ASCC3: variants seen among roughly 807,000 people sequenced by gnomAD.
ASCC3 encodes the protein ASC-1 complex subunit P200.
Under a neutral mutation model 256.3 loss-of-function variants are expected in ASCC3, and 158 were observed. The observed-to-expected ratio is 0.62, with a 90% CI of 0.54 to 0.70. The LOEUF is 0.70. Ranked by LOEUF, ASCC3 falls within the 30% of genes least tolerant of loss-of-function variation. ASCC3 has a pLI of 0.00. For missense variants in ASCC3, 2,259 were observed against 2,626.0 expected, an observed-to-expected ratio of 0.86 and a Z score of 3.05; for synonymous variants, 948 against 883.4, an observed-to-expected ratio of 1.07 and a Z score of -1.30.
intron 30 of ASCC3, among the ~76,000 whole-genome samples, chr6:100,624,081 C>T (rs957300417): frequency 2.0e-5 from 3 of 150,912 alleles, no homozygotes; most frequent in Admixed American, 6.6e-5. Context: ...CTAACCTGCA[C>T]GTTGTACACA....
intron 13 of ASCC3, among the ~76,000 whole-genome samples, chr6:100,710,801 A>G (rs1394015543): frequency 6.6e-6 from 1 of 152,156 alleles, no homozygotes; most frequent in Non-Finnish European, 1.5e-5. Flanking sequence ...TTTTAAATAA[A>G]TATTTTAAAA....
At chr6:100,569,429 TG>T (rs1770466353) in intron 36 of ASCC3, among the ~76,000 whole-genome samples, 2 of 152,070 alleles carry the variant, frequency 1.3e-5, no homozygotes. Context: ...TCGCCCAGGC[TG>T]GAGTGCAGTG....
In ASCC3 at chr6:100,531,072, A is replaced by G. The variant is rs927302371; in HGVS notation, c.5775+9091T>C. 76 of 1,378,166 alleles carry G rather than the reference A, an allele frequency of 5.5e-5. 1 individual carries two copies. In the African/African-American group the frequency reaches 9.8e-4, roughly 18 times the overall value. The allele number at this position is 1,378,166 out of a possible 1,614,324, so 85.4% of individuals were successfully genotyped here. A position where few individuals can be genotyped will look rare whatever the true frequency, so the allele number is the denominator to read the frequency against. On this transcript the variant is annotated intron_variant, in intron 37 of 41. Coordinates refer to ENST00000369162, the MANE Select transcript of ASCC3 (RefSeq NM_006828.4). ...GTGTAGCACTAAAGGAATCTTCTAGAACGTACATAGTCTGTACAATAAATA... is the reference window on the plus strand; with the variant it reads ...GTGTAGCACTAAAGGAATCTTCTAGGACGTACATAGTCTGTACAATAAATA...
Position 100,661,934 on chromosome 6 carries a change from C to T in ASCC3, c.2575G>A (p.Asp859Asn). The T allele has an allele frequency of 6.2e-7, 1 of 1,613,376 alleles. No individual in the cohort carries two copies. The highest frequency in any genetic ancestry group is 1.7e-5 in the Admixed American group (1 of 59,922). The change falls in exon 16 of 42, where the codon GAC becomes AAC. Residue 859 changes from aspartate (D) to asparagine (N), a missense_variant. This residue lies in a region of ASCC3 where 1,839 missense variants were observed against 2,206.7 expected (regional missense o/e 0.83). Transcript: ENST00000369162. ...ATAATTATTCCTTCCCCAAATTTGT[C>T]AAATTGTGGTCGTCCAGCTCGACCA... ...IFGRAGRPQF[D>N]KFGEGIIITT...
At chr6:100,695,587 T>C (rs918865473) in intron 13 of ASCC3, among the ~76,000 whole-genome samples, 8 of 152,302 alleles carry the variant, frequency 5.3e-5, no homozygotes, top group South Asian at 2.1e-4. Context: ...TAGAGACTCC[T>C]TTCTTATCTC....
intron 4 of ASCC3, among the ~76,000 whole-genome samples, chr6:100,812,592 A>G (rs1173600343): frequency 1.3e-5 from 2 of 152,212 alleles, no homozygotes; most frequent in East Asian, 3.8e-4. Flanking sequence ...GTCAGAAGAA[A>G]TAATCAGCAA....
At chr6:100,821,685 G>A (rs1033137398) in intron 4 of ASCC3, among the ~76,000 whole-genome samples, 1 of 151,948 alleles carries the variant, frequency 6.6e-6, no homozygotes, top group Non-Finnish European at 1.5e-5. Flanking sequence ...TTAGCTGGGC[G>A]TGGTGGCACG....
intron 30 of ASCC3, among the ~76,000 whole-genome samples, chr6:100,618,828 C>T (rs1369828833): frequency 6.6e-6 from 1 of 152,162 alleles, no homozygotes; most frequent in East Asian, 1.9e-4. Flanking sequence ...CATGGTTCTG[C>T]TAGTAGCCTC....
intron 4 of ASCC3, among the ~76,000 whole-genome samples, chr6:100,813,810 T>C (rs1026967234): frequency 6.6e-6 from 1 of 151,668 alleles, no homozygotes; most frequent in Non-Finnish European, 1.5e-5. Context: ...ACTAAGAAAA[T>C]ACAAGAATTT....
At chr6:100,564,831 G>C (rs1467650618) in intron 36 of ASCC3, among the ~76,000 whole-genome samples, 1 of 152,090 alleles carries the variant, frequency 6.6e-6, no homozygotes, top group Non-Finnish European at 1.5e-5. Context: ...AACTAGGAAA[G>C]GTGGTCAAGA....
intron 17 of ASCC3, 40 bp from the exon 18 acceptor site, chr6:100,652,929 GA>G (rs773630028): frequency 5.1e-6 from 8 of 1,569,478 alleles, no homozygotes; most frequent in Non-Finnish European, 7.0e-6. Context: ...TAGTGCTTTA[GA>G]GAGTAACCAT....
At chr6:100,777,781 A>G (rs1031819421) in intron 8 of ASCC3, among the ~76,000 whole-genome samples, 2 of 152,158 alleles carry the variant, frequency 1.3e-5, no homozygotes, top group Non-Finnish European at 2.9e-5. Flanking sequence ...GAGGTCACAC[A>G]TGAGATGGGA....
chr6:100,514,241 CA>C (rs1310865043), intron 39 of ASCC3, among the ~76,000 whole-genome samples: 1 of 152,032 alleles, frequency 6.6e-6, no homozygotes, highest in Non-Finnish European at 1.5e-5. Flanking sequence ...ACAACCTGTA[CA>C]AAGGATGGTC....
At chr6:100,647,573 G>C in intron 20 of ASCC3, 122 bp from the exon 21 acceptor site, 1 of 810,594 alleles carries the variant, frequency 1.2e-6, no homozygotes, top group Non-Finnish European at 2.0e-6. Context: ...TTGAATTGTG[G>C]GGCAATATCT....
chr6:100,858,604 C>T (rs1296163392), intron 3 of ASCC3: 4 of 986,788 alleles, frequency 4.1e-6, no homozygotes, highest in African/African-American at 3.5e-5. Flanking sequence ...ACAAATCACC[C>T]TATCTTCTCA....
intron 10 of ASCC3, among the ~76,000 whole-genome samples, chr6:100,734,579 GA>G (rs1780058440): frequency 6.6e-6 from 1 of 152,044 alleles, no homozygotes; most frequent in East Asian, 1.9e-4. Context: ...GTGATTATGG[GA>G]ATTATTTCAT....
intron 16 of ASCC3, among the ~76,000 whole-genome samples, chr6:100,658,402 T>C (rs1013796351): frequency 1.2e-4 from 18 of 151,522 alleles, no homozygotes; most frequent in African/African-American, 4.3e-4. Context: ...GTTGAAATTA[T>C]ATAAAAACTT....
At chr6:100,593,679 T>A (rs1772122574) in intron 34 of ASCC3, among the ~76,000 whole-genome samples, 1 of 152,058 alleles carries the variant, frequency 6.6e-6, no homozygotes, top group African/African-American at 2.4e-5. Flanking sequence ...TAACTGTCAG[T>A]AGTGGGAAGT....
At chr6:100,782,895 T>A (rs1486064522) in intron 8 of ASCC3, among the ~76,000 whole-genome samples, 1 of 151,946 alleles carries the variant, frequency 6.6e-6, no homozygotes, top group Non-Finnish European at 1.5e-5. Context: ...TAAAATTAAA[T>A]ACACTGCTTA....
Sources: gnomAD v4.1 joint callset for allele counts (sites outside exome capture counted in the v4.1 genomes callset) on GRCh38, gnomAD v4.1.1 for gene constraint, gnomAD v4.1.1 regional missense constraint, MANE v1.5 for transcripts, NCBI Gene and HGNC (gene_info 2026-07-23, HGNC 2026-07-21) for gene names.